PGM5: variants seen among roughly 807,000 people sequenced by gnomAD.
PGM5 encodes phosphoglucomutase 5, also known as phosphoglucomutase-like protein 5.
A neutral mutation model predicts 59.2 loss-of-function variants in PGM5; 23 were observed. That is an observed-to-expected ratio of 0.39 (90% CI 0.28 to 0.55). The LOEUF (loss-of-function observed/expected upper bound fraction) is 0.55, where lower values mean the gene tolerates loss of function less well. PGM5 is among the 20% of genes least tolerant of loss of function. The probability of loss-of-function intolerance (pLI) is 0.66; values close to 1 mark genes in which losing one functional copy is unlikely to be tolerated. For synonymous variants in PGM5, 214 were observed against 286.0 expected (o/e 0.75, Z 2.54); for missense variants, 574 against 748.3 (o/e 0.77, Z 2.72).
chr9:68,498,845 G>T (rs139556512), intron 9 of PGM5: 41 of 225,030 alleles, frequency 1.8e-4, no homozygotes, highest in African/African-American at 9.1e-4. Flanking sequence ...CAAATTGCCT[G>T]CTTTCACTTA....
chr9:68,406,660 GTATA>G lies in PGM5; in HGVS notation c.1043+14201_1043+14204del, dbSNP rs1305648432. Among the ~76,000 whole-genome samples, 53 of 57,636 alleles carry G rather than the reference GTATA, an allele frequency of 9.2e-4. 8 individuals are homozygous for G. Among genetic ancestry groups the G allele is most frequent in the African/African-American group, 1.1e-3 (17 of 15,040 alleles). The allele number at this position is 57,636 out of a possible 152,430, so 37.8% of individuals were successfully genotyped here. A position where few individuals can be genotyped will look rare whatever the true frequency, so the allele number is the denominator to read the frequency against. On this transcript the variant is annotated intron_variant, in intron 6 of 10. Coordinates refer to ENST00000396396, the MANE Select transcript of PGM5 (RefSeq NM_021965.4). ...GGTCTTGTACTGAGGATTAAATTAGGTATATATATATATATATGTATATATATAT... is the reference window on the plus strand; with the variant it reads ...GGTCTTGTACTGAGGATTAAATTAGGTATATATATATATGTATATATATAT...
At chr9:68,425,720 A>G (rs1035885991) in intron 6 of PGM5, among the ~76,000 whole-genome samples, 4 of 152,192 alleles carry the variant, frequency 2.6e-5, no homozygotes, top group Non-Finnish European at 4.4e-5. Context: ...AAGAGAAATC[A>G]TCTTGAATCA....
intron 1 of PGM5, among the ~76,000 whole-genome samples, chr9:68,361,276 G>A (rs1554676252): frequency 3.3e-5 from 5 of 152,110 alleles, no homozygotes; most frequent in Non-Finnish European, 7.4e-5. Flanking sequence ...TTTTAACCTG[G>A]AAAATACCCT....
chr9:68,434,767 G>A (rs1823419037), intron 6 of PGM5, among the ~76,000 whole-genome samples: 1 of 151,318 alleles, frequency 6.6e-6, no homozygotes, highest in Non-Finnish European at 1.5e-5. Flanking sequence ...TCCAGACTGA[G>A]AGACAGCAAG....
chr9:68,370,811 A>G (rs1307707920), intron 1 of PGM5, among the ~76,000 whole-genome samples: 1 of 152,116 alleles, frequency 6.6e-6, no homozygotes, highest in Non-Finnish European at 1.5e-5. Flanking sequence ...GACGGACACA[A>G]AGAGTTCTTA....
At chr9:68,493,676 G>A (rs1235092342) in intron 9 of PGM5, among the ~76,000 whole-genome samples, 2 of 152,202 alleles carry the variant, frequency 1.3e-5, no homozygotes, top group African/African-American at 4.8e-5. Context: ...GGAAACTAAG[G>A]CTTAGAGAGC....
chr9:68,505,644 G>A (rs1201851950), intron 10 of PGM5, among the ~76,000 whole-genome samples: 1 of 152,206 alleles, frequency 6.6e-6, no homozygotes, highest in Non-Finnish European at 1.5e-5. Context: ...AATGCTTAGG[G>A]CCAGGTGTGG....
chr9:68,495,814 A>G (rs781834213), intron 9 of PGM5, among the ~76,000 whole-genome samples: 2 of 152,200 alleles, frequency 1.3e-5, no homozygotes, highest in Non-Finnish European at 2.9e-5. Flanking sequence ...TCAAATGGTT[A>G]TATTTTCTAT....
At chr9:68,501,059 T>C (rs977423382) in intron 10 of PGM5, among the ~76,000 whole-genome samples, 3 of 152,092 alleles carry the variant, frequency 2.0e-5, no homozygotes, top group Admixed American at 6.5e-5. Flanking sequence ...GTCATGCTGG[T>C]TTTGGTCCCC....
chr9:68,371,822 G>A (rs1199858245), intron 1 of PGM5: 5 of 152,162 alleles, frequency 3.3e-5, no homozygotes, highest in African/African-American at 1.2e-4. Flanking sequence ...GTAGAGAGAG[G>A]GTGAACAGAA....
At chr9:68,423,994 C>A (rs1199761031) in intron 6 of PGM5, among the ~76,000 whole-genome samples, 1 of 152,176 alleles carries the variant, frequency 6.6e-6, no homozygotes, top group East Asian at 1.9e-4. Flanking sequence ...TATCTCTTGA[C>A]AAAATAAGTA....
chr9:68,513,366 G>C (rs868968909), intron 10 of PGM5, among the ~76,000 whole-genome samples: 4 of 152,192 alleles, frequency 2.6e-5, no homozygotes, highest in East Asian at 3.9e-4. Context: ...TTGTCAGAAG[G>C]GTTCTTCATT....
chr9:68,406,920 G>T (rs1157422941), intron 6 of PGM5, among the ~76,000 whole-genome samples: 1 of 151,098 alleles, frequency 6.6e-6, no homozygotes, highest in Non-Finnish European at 1.5e-5. Context: ...TTCCACATGT[G>T]GATACTAGTG....
At chr9:68,393,738 C>T (rs1392616465) in intron 6 of PGM5, 5 of 152,104 alleles carry the variant, frequency 3.3e-5, no homozygotes, top group Non-Finnish European at 5.9e-5. Flanking sequence ...ATGGAGCCTA[C>T]AGCTGACCAA....
chr9:68,398,209 G>A (rs1293408190), intron 6 of PGM5: 1 of 152,208 alleles, frequency 6.6e-6, no homozygotes, highest in Non-Finnish European at 1.5e-5. Flanking sequence ...AGATAAATAT[G>A]TTCAAATGTA....
chr9:68,516,354 C>T, intron 10 of PGM5, among the ~76,000 whole-genome samples: 1 of 152,132 alleles, frequency 6.6e-6, no homozygotes, highest in East Asian at 1.9e-4. Flanking sequence ...AAGGTGTGGT[C>T]TCTCTTTCAG....
intron 6 of PGM5, among the ~76,000 whole-genome samples, chr9:68,408,022 G>A (rs1340274479): frequency 1.4e-4 from 21 of 152,048 alleles, no homozygotes; most frequent in Non-Finnish European, 7.4e-5. Flanking sequence ...AACATCACCT[G>A]GAGTCCCTTT....
chr9:68,472,441 G>A (rs782040790), intron 7 of PGM5, among the ~76,000 whole-genome samples: 2 of 151,514 alleles, frequency 1.3e-5, no homozygotes, highest in African/African-American at 2.4e-5. Context: ...GGCATGAGAA[G>A]TTGAGGGACC....
chr9:68,462,104 G>T (rs1212904136), intron 6 of PGM5, among the ~76,000 whole-genome samples: 1 of 151,958 alleles, frequency 6.6e-6, no homozygotes, highest in Non-Finnish European at 1.5e-5. Context: ...GTTATATCCA[G>T]CATAGTTTTC....
Sources: gnomAD v4.1 joint callset for allele counts (sites outside exome capture counted in the v4.1 genomes callset) on GRCh38, gnomAD v4.1.1 for gene constraint, MANE v1.5 for transcripts, NCBI Gene and HGNC (gene_info 2026-07-23, HGNC 2026-07-21) for gene names.